Variants in APAF1 observed in about 807,000 individuals in gnomAD.
The protein encoded by APAF1 is apoptotic peptidase activating factor 1, also known as apoptotic protease-activating factor 1.
In APAF1, 91 loss-of-function variants were observed where a neutral mutation model predicts 152.4. The observed-to-expected ratio is 0.60, with a 90% CI of 0.50 to 0.71. The LOEUF (loss-of-function observed/expected upper bound fraction) is 0.71. Ranked by LOEUF, APAF1 falls within the 30% of genes least tolerant of loss-of-function variation. The pLI, the probability that APAF1 is intolerant of heterozygous loss-of-function variation, is 0.00. For missense variants in APAF1, 1,283 were observed against 1,472.0 expected, an observed-to-expected ratio of 0.87 and a Z score of 2.10; for synonymous variants, 484 against 494.1, an observed-to-expected ratio of 0.98 and a Z score of 0.27.
At chr12:98,720,394 AT>A (rs1205318515) in intron 22 of APAF1, among the ~76,000 whole-genome samples, 1 of 152,086 alleles carries the variant, frequency 6.6e-6, no homozygotes, top group East Asian at 1.9e-4. Context: ...TTTTGTTTTC[AT>A]TTTTTAAGGT....
intron 4 of APAF1, among the ~76,000 whole-genome samples, chr12:98,653,692 ATAT>A (rs1318863251): frequency 7.3e-4 from 11 of 15,054 alleles, no homozygotes; most frequent in African/African-American, 2.3e-3. Flanking sequence ...AAAAAAAAAA[ATAT>A]ATATATATAT....
intron 7 of APAF1, among the ~76,000 whole-genome samples, chr12:98,664,058 C>T (rs751559179): frequency 2.0e-5 from 3 of 151,920 alleles, no homozygotes; most frequent in African/African-American, 4.8e-5. Context: ...CTCACTCTGT[C>T]GCCCAGGCTG....
chr12:98,716,191 A>G (rs988709230), intron 22 of APAF1, among the ~76,000 whole-genome samples: 1 of 152,192 alleles, frequency 6.6e-6, no homozygotes, highest in African/African-American at 2.4e-5. Context: ...ATGCCTCTAT[A>G]TGGCATGCTT....
chr12:98,684,425 A>T (rs1593064396), intron 15 of APAF1, among the ~76,000 whole-genome samples: 1 of 117,454 alleles, frequency 8.5e-6, no homozygotes, highest in African/African-American at 3.2e-5. Context: ...CCTTCCTGTC[A>T]CCTTCCCTTC....
chr12:98,663,371 T>C (rs2153315546), intron 7 of APAF1, among the ~76,000 whole-genome samples: 1 of 152,292 alleles, frequency 6.6e-6, no homozygotes, highest in Admixed American at 6.5e-5. Context: ...TATTTCCCAG[T>C]AAAACAATTT....
intron 7 of APAF1, among the ~76,000 whole-genome samples, chr12:98,663,566 G>A (rs2097668241): frequency 1.3e-5 from 2 of 152,090 alleles, no homozygotes; most frequent in South Asian, 4.2e-4. Flanking sequence ...TTGACATATA[G>A]AAGCTTAAAA....
At chr12:98,705,004 G>A (rs771695263) in intron 18 of APAF1, among the ~76,000 whole-genome samples, 1 of 151,898 alleles carries the variant, frequency 6.6e-6, no homozygotes, top group African/African-American at 2.4e-5. Context: ...GGGTGGTCTC[G>A]AATTCCTGAC....
intron 16 of APAF1, among the ~76,000 whole-genome samples, chr12:98,692,547 C>G (rs781435330): frequency 4.6e-5 from 7 of 152,184 alleles, no homozygotes; most frequent in African/African-American, 1.2e-4. Context: ...CTCATTCCCC[C>G]CTCCCCAACT....
chr12:98,712,556 C>A, intron 21 of APAF1, 121 bp downstream of exon 21: 1 of 698,234 alleles, frequency 1.4e-6, no homozygotes, highest in Non-Finnish European at 2.5e-6. Flanking sequence ...CTTGCTGTGT[C>A]ACCCACGCTG....
chr12:98,724,951 A>G (rs1030068443), intron 24 of APAF1, among the ~76,000 whole-genome samples: 2 of 152,234 alleles, frequency 1.3e-5, no homozygotes, highest in African/African-American at 4.8e-5. Flanking sequence ...ACTAACATTT[A>G]AAGATTACTT....
chr12:98,653,010 G>A (rs2097650898), intron 4 of APAF1, among the ~76,000 whole-genome samples: 1 of 151,826 alleles, frequency 6.6e-6, no homozygotes, highest in African/African-American at 2.4e-5. Flanking sequence ...GAACTCTGAT[G>A]TAGTCAAACT....
chr12:98,703,196 A>G (rs1053492148), intron 17 of APAF1, among the ~76,000 whole-genome samples, 175 bp from the exon 18 acceptor site: 5 of 152,186 alleles, frequency 3.3e-5, no homozygotes, highest in Non-Finnish European at 5.9e-5. Context: ...GATGAGCAGT[A>G]TTTTTAAAGT....
intron 16 of APAF1, among the ~76,000 whole-genome samples, chr12:98,687,928 C>T (rs2097699724): frequency 6.6e-6 from 1 of 152,110 alleles, no homozygotes; most frequent in South Asian, 2.1e-4. Context: ...TCTCGTGCCC[C>T]AGTCTCCCAA....
chr12:98,682,092 C>T (rs1374253657), intron 14 of APAF1, among the ~76,000 whole-genome samples: 5 of 123,080 alleles, frequency 4.1e-5, no homozygotes, highest in South Asian at 2.5e-4. Context: ...CTCGCTCTTT[C>T]GCCCAGGTTG....
chr12:98,681,590 A>G (rs2097692288), intron 14 of APAF1, among the ~76,000 whole-genome samples: 1 of 152,110 alleles, frequency 6.6e-6, no homozygotes, highest in African/African-American at 2.4e-5. Context: ...GTTTTCCTGA[A>G]GTTTTCACCT....
At chr12:98,682,055 T>G (rs1399049354) in intron 14 of APAF1, among the ~76,000 whole-genome samples, 4 of 148,282 alleles carry the variant, frequency 2.7e-5, no homozygotes, top group Non-Finnish European at 4.5e-5. Flanking sequence ...TTTTTTTGTT[T>G]TTTTTTTTTT....
intron 20 of APAF1, among the ~76,000 whole-genome samples, chr12:98,709,580 A>G (rs1322792587): frequency 2.6e-5 from 4 of 152,162 alleles, no homozygotes; most frequent in Admixed American, 2.0e-4. Flanking sequence ...TAGTGGCAGC[A>G]AGAGAAAGCA....
intron 12 of APAF1, among the ~76,000 whole-genome samples, chr12:98,672,777 G>A (rs558088678): frequency 4.6e-5 from 7 of 150,818 alleles, no homozygotes; most frequent in African/African-American, 1.2e-4. Context: ...TTTTTGAGAC[G>A]GCGTTTCACT....
intron 24 of APAF1, 66 bp downstream of exon 24, chr12:98,723,830 A>G: frequency 2.6e-6 from 4 of 1,521,518 alleles, no homozygotes; most frequent in Non-Finnish European, 3.6e-6. Context: ...AGTTCAAATA[A>G]TATATGCAAA....
Sources: allele counts gnomAD v4.1 joint callset (sites outside exome capture counted in the v4.1 genomes callset), GRCh38; gene constraint gnomAD v4.1.1; transcripts MANE v1.5; gene names NCBI Gene and HGNC (gene_info 2026-07-23, HGNC 2026-07-21).